Variants in SPECC1 observed in about 807,000 individuals in gnomAD.
SPECC1 encodes sperm antigen with calponin homology and coiled-coil domains 1.
In SPECC1, 62 loss-of-function variants were observed where a neutral mutation model predicts 104.1. The ratio of observed to expected loss-of-function variants is 0.60; its 90% CI spans 0.49 to 0.74. The LOEUF (loss-of-function observed/expected upper bound fraction) is 0.74. Among genes scored for constraint, SPECC1 ranks in the 30% least tolerant of loss-of-function variants. SPECC1 has a pLI of 0.00. For missense variants in SPECC1, 1,306 were observed against 1,310.5 expected (o/e 1.00, Z 0.05); for synonymous variants, 513 against 501.6 (o/e 1.02, Z -0.30).
At chr17:20,281,853 A>G (rs1441943271) in intron 12 of SPECC1, among the ~76,000 whole-genome samples, 1 of 152,252 alleles carries the variant, frequency 6.6e-6, no homozygotes, top group Non-Finnish European at 1.5e-5. Flanking sequence ...AGGCCTGAGC[A>G]TGGTCCTAGG....
At chr17:20,033,280 T>C (rs2044903117) in intron 1 of SPECC1, among the ~76,000 whole-genome samples, 1 of 152,076 alleles carries the variant, frequency 6.6e-6, no homozygotes, top group Non-Finnish European at 1.5e-5. Context: ...TATATATTTT[T>C]TGGTTGGAAA....
intron 9 of SPECC1, among the ~76,000 whole-genome samples, 178 bp from the exon 10 acceptor site, chr17:20,253,327 G>A (rs900229111): frequency 1.8e-4 from 28 of 152,102 alleles, no homozygotes; most frequent in Non-Finnish European, 7.4e-5. Flanking sequence ...TGCTTTTGGG[G>A]ATAGTGTCTA....
chr17:20,156,353 C>G, intron 3 of SPECC1: 1 of 1,140,316 alleles, frequency 8.8e-7, no homozygotes, highest in Admixed American at 4.2e-5. Flanking sequence ...GGCTAAGGTC[C>G]TGGGGTGTGA....
At chr17:20,165,421 T>C (rs1052095200) in intron 3 of SPECC1, among the ~76,000 whole-genome samples, 2 of 152,216 alleles carry the variant, frequency 1.3e-5, no homozygotes, top group Non-Finnish European at 2.9e-5. Flanking sequence ...TGTTCCATGG[T>C]GTATATGTAC....
intron 1 of SPECC1, among the ~76,000 whole-genome samples, chr17:20,048,164 T>G (rs1305987198): frequency 6.7e-6 from 1 of 149,412 alleles, no homozygotes; most frequent in Non-Finnish European, 1.5e-5. Flanking sequence ...GACAGAGTCT[T>G]GCTCTGTCAC....
chr17:20,221,487 C>T (rs979838167), intron 4 of SPECC1, among the ~76,000 whole-genome samples: 5 of 152,062 alleles, frequency 3.3e-5, no homozygotes, highest in African/African-American at 1.2e-4. Flanking sequence ...CTTTGAATTT[C>T]GGTAGTATTG....
chr17:20,028,573 A>ATGTGTCTT (rs2044689365), intron 1 of SPECC1, among the ~76,000 whole-genome samples: 1 of 149,676 alleles, frequency 6.7e-6, no homozygotes, highest in South Asian at 2.1e-4. Context: ...GTATGTATGT[A>ATGTGTCTT]TGTGTCTTTT....
intron 1 of SPECC1, among the ~76,000 whole-genome samples, chr17:20,028,134 G>T (rs536541727): frequency 6.6e-6 from 1 of 151,474 alleles, no homozygotes. Context: ...TTTTTTTCAT[G>T]TGACTATCTG....
At chr17:20,060,074 G>T (rs1221491506) in intron 1 of SPECC1, among the ~76,000 whole-genome samples, 1 of 152,136 alleles carries the variant, frequency 6.6e-6, no homozygotes, top group Non-Finnish European at 1.5e-5. Flanking sequence ...TCTCTTTGAT[G>T]AAAATGTTTA....
intron 1 of SPECC1, among the ~76,000 whole-genome samples, chr17:20,015,873 C>T (rs943943961): frequency 6.7e-6 from 1 of 149,218 alleles, no homozygotes; most frequent in African/African-American, 2.4e-5. Flanking sequence ...CGTGAGCCAC[C>T]ACGCCTGGCC....
chr17:20,302,158 A>T (rs529793798), intron 13 of SPECC1, among the ~76,000 whole-genome samples: 2 of 152,224 alleles, frequency 1.3e-5, no homozygotes, highest in East Asian at 3.9e-4. Flanking sequence ...GAGAGGGGGA[A>T]CTCTAGGATT....
chr17:20,286,557 CTT>C (rs1234384257), intron 12 of SPECC1, among the ~76,000 whole-genome samples: 1 of 152,184 alleles, frequency 6.6e-6, no homozygotes, highest in Non-Finnish European at 1.5e-5. Flanking sequence ...AAAAATGAGA[CTT>C]TTCACCTCCA....
intron 1 of SPECC1, among the ~76,000 whole-genome samples, chr17:20,035,982 A>T (rs7217387): frequency 0.069 from 10,498 of 151,410 alleles, 987 homozygotes; most frequent in African/African-American, 0.21. Context: ...TGGCTAATTT[A>T]TATATTTTTT....
chr17:20,287,423 C>CAAAAAAAAAAAAAAA (rs61713120), intron 12 of SPECC1, among the ~76,000 whole-genome samples: 2 of 98,044 alleles, frequency 2.0e-5, no homozygotes, highest in African/African-American at 4.2e-5. Context: ...GACTCCGTCT[C>CAAAAAAAAAAAAAAA]AAAAAAAAAA....
At chr17:20,203,394 T>G (rs1438958462) in intron 3 of SPECC1, among the ~76,000 whole-genome samples, 1 of 152,272 alleles carries the variant, frequency 6.6e-6, no homozygotes, top group East Asian at 1.9e-4. Flanking sequence ...AGAATTGTTT[T>G]TACATTGTCT....
At chr17:20,199,663 A>C (rs2036284230) in intron 3 of SPECC1, among the ~76,000 whole-genome samples, 2 of 151,642 alleles carry the variant, frequency 1.3e-5, no homozygotes, top group Non-Finnish European at 2.9e-5. Context: ...CCTTGGCCTT[A>C]TTTTAAACTT....
chr17:20,139,104 T>C (rs902597518), intron 3 of SPECC1, among the ~76,000 whole-genome samples: 1 of 152,228 alleles, frequency 6.6e-6, no homozygotes, highest in South Asian at 2.1e-4. Flanking sequence ...GTGACAGGAT[T>C]GGAAGACTTT....
intron 3 of SPECC1, among the ~76,000 whole-genome samples, chr17:20,133,021 G>C (rs2049737052): frequency 6.6e-6 from 1 of 152,194 alleles, no homozygotes; most frequent in Non-Finnish European, 1.5e-5. Flanking sequence ...TTACAGGTGT[G>C]AGCCACCGTG....
intron 12 of SPECC1, among the ~76,000 whole-genome samples, chr17:20,273,454 G>T (rs762241254): frequency 7.8e-6 from 1 of 128,798 alleles, no homozygotes; most frequent in Non-Finnish European, 1.6e-5. Context: ...GTGACACAGC[G>T]AGACTCTGTC....
Sources: gnomAD v4.1 joint callset for allele counts (sites outside exome capture counted in the v4.1 genomes callset) on GRCh38, gnomAD v4.1.1 for gene constraint, MANE v1.5 for transcripts, NCBI Gene and HGNC (gene_info 2026-07-23, HGNC 2026-07-21) for gene names.